The following AUH variants were observed in gnomAD, a reference collection of about 807,000 sequenced individuals.
AUH encodes AU RNA binding methylglutaconyl-CoA hydratase.
In AUH, 29 loss-of-function variants were observed where a neutral mutation model predicts 42.3. The observed-to-expected ratio is 0.69, with a 90% CI of 0.51 to 0.93. The LOEUF is 0.93. AUH is among the 40% of genes least tolerant of loss of function. AUH has a pLI of 0.00. For missense variants in AUH, 452 were observed against 438.1 expected (o/e 1.03, Z -0.28); for synonymous variants, 174 against 166.4 (o/e 1.05, Z -0.35).
chr9:91,228,036 C>T (rs1386447195), intron 6 of AUH, among the ~76,000 whole-genome samples: 10 of 152,134 alleles, frequency 6.6e-5, no homozygotes, highest in Admixed American at 4.6e-4. Flanking sequence ...TGTGTCTGCC[C>T]GGCTTTGGTA....
At chr9:91,305,284 G>C (rs1828122799) in intron 4 of AUH, among the ~76,000 whole-genome samples, 1 of 152,112 alleles carries the variant, frequency 6.6e-6, no homozygotes, top group Non-Finnish European at 1.5e-5. Context: ...AACTACACAT[G>C]AGCTTATTCT....
At chr9:91,317,209 T>C in intron 4 of AUH, among the ~76,000 whole-genome samples, 1 of 152,218 alleles carries the variant, frequency 6.6e-6, no homozygotes, top group East Asian at 1.9e-4. Context: ...TGTTTGGCTA[T>C]TTGGGGGTCT....
At chr9:91,326,736 T>C (rs1016324876) in intron 3 of AUH, among the ~76,000 whole-genome samples, 1 of 152,166 alleles carries the variant, frequency 6.6e-6, no homozygotes, top group African/African-American at 2.4e-5. Flanking sequence ...ATTTGTAATA[T>C]TGTATTGCTT....
chr9:91,226,564 C>A (rs1302491805), intron 6 of AUH, among the ~76,000 whole-genome samples: 1 of 145,750 alleles, frequency 6.9e-6, no homozygotes, highest in Non-Finnish European at 1.5e-5. Context: ...AATTAGATCC[C>A]ATTTGTCAAT....
intron 7 of AUH, chr9:91,218,979 C>A: frequency 1.0e-6 from 1 of 985,406 alleles, no homozygotes; most frequent in Non-Finnish European, 1.2e-6. Flanking sequence ...TTAATTTTAA[C>A]AATCAACATT....
chr9:91,274,116 T>TACAAACGTGCAA (rs1227641933), intron 6 of AUH, among the ~76,000 whole-genome samples: 1 of 151,996 alleles, frequency 6.6e-6, no homozygotes, highest in African/African-American at 2.4e-5. Context: ...GGAAACAGAA[T>TACAAACGTGCAA]ACAAACGTGC....
intron 9 of AUH, among the ~76,000 whole-genome samples, chr9:91,215,346 T>C (rs1433587048): frequency 6.6e-6 from 1 of 152,210 alleles, no homozygotes; most frequent in African/African-American, 2.4e-5. Flanking sequence ...AAGTCCCTTA[T>C]ATATTAATAA....
chr9:91,267,594 C>T (rs192066299), intron 6 of AUH, among the ~76,000 whole-genome samples: 2 of 152,246 alleles, frequency 1.3e-5, no homozygotes, highest in East Asian at 3.9e-4. Flanking sequence ...AAGTATGAAG[C>T]TACCACAGGG....
chr9:91,311,692 T>C (rs1828710580), intron 4 of AUH, among the ~76,000 whole-genome samples: 1 of 152,184 alleles, frequency 6.6e-6, no homozygotes, highest in African/African-American at 2.4e-5. Context: ...CCACTCCCCA[T>C]ATTCTATACT....
At chr9:91,294,672 C>T (rs1475364123) in intron 6 of AUH, 1 of 455,574 alleles carries the variant, frequency 2.2e-6, no homozygotes, top group South Asian at 1.6e-5. Context: ...ATTCTAGATC[C>T]CTTTAAGAAC....
At chr9:91,303,106 T>G (rs988550007) in intron 4 of AUH, among the ~76,000 whole-genome samples, 2 of 152,200 alleles carry the variant, frequency 1.3e-5, no homozygotes, top group African/African-American at 4.8e-5. Context: ...CAGTTTGCTA[T>G]TTTAAGAGGG....
intron 6 of AUH, among the ~76,000 whole-genome samples, chr9:91,237,935 T>C (rs933802837): frequency 1.3e-5 from 2 of 152,326 alleles, no homozygotes; most frequent in African/African-American, 4.8e-5. Context: ...AGATTTTGCA[T>C]TGAGATTCAA....
At chr9:91,336,698 A>C (rs899779749) in intron 3 of AUH, among the ~76,000 whole-genome samples, 1 of 152,064 alleles carries the variant, frequency 6.6e-6, no homozygotes, top group East Asian at 1.9e-4. Flanking sequence ...GAAAAAAAAA[A>C]AAAGAAAGAA....
intron 6 of AUH, among the ~76,000 whole-genome samples, chr9:91,234,095 C>T (rs1828041735): frequency 6.6e-6 from 1 of 152,196 alleles, no homozygotes; most frequent in Non-Finnish European, 1.5e-5. Flanking sequence ...GTTTTGGCTG[C>T]TCAACATCCA....
intron 3 of AUH, among the ~76,000 whole-genome samples, chr9:91,352,374 T>C (rs540269523): frequency 2.2e-4 from 34 of 152,058 alleles, no homozygotes; most frequent in Middle Eastern, 3.4e-3. Flanking sequence ...TTTGTGTATA[T>C]ATATACATAT....
intron 6 of AUH, among the ~76,000 whole-genome samples, chr9:91,283,954 A>C (rs1826189245): frequency 6.6e-6 from 1 of 152,204 alleles, no homozygotes; most frequent in Admixed American, 6.5e-5. Context: ...AGAATTAGAA[A>C]AAACTACTTT....
At chr9:91,260,928 T>C (rs1175916904) in intron 6 of AUH, among the ~76,000 whole-genome samples, 3 of 152,200 alleles carry the variant, frequency 2.0e-5, no homozygotes, top group Non-Finnish European at 2.9e-5. Flanking sequence ...AATTTACAAT[T>C]TCTGAAGTAA....
intron 6 of AUH, among the ~76,000 whole-genome samples, chr9:91,222,669 G>C (rs1587626114): frequency 6.6e-6 from 1 of 152,126 alleles, no homozygotes; most frequent in South Asian, 2.1e-4. Flanking sequence ...AGCTATTTAT[G>C]GTGCTTCCAA....
chr9:91,306,623 C>T (rs1483397755), intron 4 of AUH, among the ~76,000 whole-genome samples: 1 of 151,876 alleles, frequency 6.6e-6, no homozygotes, highest in Non-Finnish European at 1.5e-5. Flanking sequence ...TATCGCAGAC[C>T]CATCTGAAGC....
Sources: allele counts gnomAD v4.1 joint callset (sites outside exome capture counted in the v4.1 genomes callset), GRCh38; gene constraint gnomAD v4.1.1; transcripts MANE v1.5; gene names NCBI Gene and HGNC (gene_info 2026-07-23, HGNC 2026-07-21).